Variants in GALNT10 observed in about 807,000 individuals in gnomAD.
GALNT10 encodes the protein GalNAc transferase 10.
Under a neutral mutation model 75.0 loss-of-function variants are expected in GALNT10, and 41 were observed. The observed-to-expected ratio is 0.55, with a 90% CI of 0.43 to 0.71. The LOEUF (loss-of-function observed/expected upper bound fraction) is 0.71. Ranked by LOEUF, GALNT10 falls within the 30% of genes least tolerant of loss-of-function variation. GALNT10 has a pLI of 0.00. For synonymous variants in GALNT10, 302 were observed against 313.0 expected, an observed-to-expected ratio of 0.96 and a Z score of 0.37; for missense variants, 727 against 818.5, an observed-to-expected ratio of 0.89 and a Z score of 1.36.
intron 3 of GALNT10, among the ~76,000 whole-genome samples, chr5:154,317,205 A>G (rs544839528): frequency 2.0e-5 from 3 of 152,156 alleles, no homozygotes; most frequent in African/African-American, 4.8e-5. Flanking sequence ...GGTTTGTTCA[A>G]TTGACTTACA....
intron 1 of GALNT10, among the ~76,000 whole-genome samples, chr5:154,267,459 G>T (rs1753796200): frequency 6.6e-6 from 1 of 152,190 alleles, no homozygotes; most frequent in Admixed American, 6.5e-5. Context: ...TAGCCCTGTA[G>T]AAAATCACTG....
rs1756599558 is a variant in GALNT10, at chr5:154,420,122, C to T, written c.*3150C>T. The T allele has an allele frequency of 6.6e-6, 1 of 152,188 alleles. No homozygotes were observed. Among genetic ancestry groups the T allele is most frequent in the African/African-American group, 2.4e-5 (1 of 41,452 alleles). 9.4% of individuals were successfully genotyped at this position (152,188 alleles called of 1,614,324 possible). On this transcript the variant is annotated 3_prime_UTR_variant, in exon 12 of 12. Transcript: ENST00000297107. ...TGGAGCTTTCAGCTGTTAAAACAGT[C>T]AGAAACTATTGATTCTTCCCTTTAG...
chr5:154,345,809 T>C (rs944261472), intron 4 of GALNT10, among the ~76,000 whole-genome samples: 6 of 100,508 alleles, frequency 6.0e-5, no homozygotes, highest in African/African-American at 1.8e-4. Context: ...CGAATTTTTT[T>C]TTTTTTTGTA....
intron 3 of GALNT10, among the ~76,000 whole-genome samples, chr5:154,326,575 A>G (rs1229849490): frequency 6.6e-6 from 1 of 152,268 alleles, no homozygotes; most frequent in African/African-American, 2.4e-5. Context: ...TGAAAAAGAA[A>G]TGAAGCATTG....
chr5:154,371,403 A>G (rs953739062), intron 4 of GALNT10, among the ~76,000 whole-genome samples: 11 of 152,204 alleles, frequency 7.2e-5, no homozygotes, highest in African/African-American at 2.6e-4. Flanking sequence ...TCAAGCCACA[A>G]CAACTCCTCC....
At chr5:154,259,010 A>G (rs1389827644) in intron 1 of GALNT10, among the ~76,000 whole-genome samples, 1 of 152,206 alleles carries the variant, frequency 6.6e-6, no homozygotes, top group Admixed American at 6.5e-5. Flanking sequence ...TTAACATCCT[A>G]CATAAGCATA....
chr5:154,247,439 G>A (rs948117726), intron 1 of GALNT10, among the ~76,000 whole-genome samples: 8 of 152,138 alleles, frequency 5.3e-5, no homozygotes, highest in African/African-American at 1.7e-4. Context: ...CTTCCTACCC[G>A]TGAGCATGGA....
intron 1 of GALNT10, among the ~76,000 whole-genome samples, chr5:154,210,709 G>GAATAAACC (rs1329464581): frequency 2.0e-5 from 3 of 152,148 alleles, no homozygotes; most frequent in Non-Finnish European, 4.4e-5. Context: ...GTGAAAAAAG[G>GAATAAACC]AATAAACCAT....
rs535656283 is a variant in GALNT10 at position 154,267,251 on chromosome 5, T to C, written c.160-27565T>C. ...GGTGAAGCAAAGTAGCTGTGGCTAC[T>C]TGGGGCCAAAAGCTTCCCAGATGCT... On this transcript the variant is annotated intron_variant, in intron 1 of 11. Transcript: ENST00000297107. Among the ~76,000 whole-genome samples the C allele has an allele frequency of 9.1e-4, 139 of 152,364 alleles. 1 individual carries two copies. The highest frequency in any genetic ancestry group is 3.0e-3 in the African/African-American group (124 of 41,594).
chr5:154,230,562 T>C (rs532018179), intron 1 of GALNT10, among the ~76,000 whole-genome samples: 12 of 152,220 alleles, frequency 7.9e-5, no homozygotes, highest in Non-Finnish European at 1.8e-4. Flanking sequence ...GTAGCAGCTT[T>C]ATGGTCTTAG....
rs571341936 is a variant in GALNT10 at position 154,289,973 on chromosome 5, C to G, written c.160-4843C>G. Among the ~76,000 whole-genome samples, 3 of 152,290 alleles carry G rather than the reference C, an allele frequency of 2.0e-5. No individual in the cohort carries two copies. In the East Asian group the frequency reaches 5.8e-4, roughly 29 times the overall value. ...TCTGGGGTTTCTTAATCTGCACTAT[C>G]TCTAGAAATTCCATGGATTGTCCTC... On this transcript the variant is annotated intron_variant, in intron 1 of 11. Transcript: ENST00000297107.
intron 1 of GALNT10, among the ~76,000 whole-genome samples, chr5:154,211,983 A>C (rs992490849): frequency 6.6e-6 from 1 of 152,198 alleles, no homozygotes; most frequent in African/African-American, 2.4e-5. Context: ...GCCTATGTGC[A>C]AAAAAGAATT....
chr5:154,354,849 CTG>C (rs1215209101), intron 4 of GALNT10, among the ~76,000 whole-genome samples: 1 of 152,188 alleles, frequency 6.6e-6, no homozygotes, highest in Non-Finnish European at 1.5e-5. Flanking sequence ...GGCATGGAAA[CTG>C]TACGTGACCC....
intron 1 of GALNT10, among the ~76,000 whole-genome samples, chr5:154,275,442 G>A (rs966051723): frequency 3.3e-5 from 5 of 152,208 alleles, no homozygotes; most frequent in East Asian, 1.9e-4. Context: ...TGTCAGGCTC[G>A]TGTGGTGAAT....
chr5:154,368,047 T>C (rs1192969188), intron 4 of GALNT10, among the ~76,000 whole-genome samples: 1 of 152,226 alleles, frequency 6.6e-6, no homozygotes, highest in Non-Finnish European at 1.5e-5. Flanking sequence ...GATCTGATCC[T>C]CAAACCTTTA....
At chr5:154,334,833 G>C (rs1256518861) in intron 4 of GALNT10, among the ~76,000 whole-genome samples, 1 of 152,200 alleles carries the variant, frequency 6.6e-6, no homozygotes, top group African/African-American at 2.4e-5. Flanking sequence ...AGACAATGCT[G>C]GGCCCGTTAG....
chr5:154,323,673 A>G (rs979930281), intron 3 of GALNT10, among the ~76,000 whole-genome samples: 4 of 152,200 alleles, frequency 2.6e-5, no homozygotes, highest in African/African-American at 7.2e-5. Flanking sequence ...AGGAAGCCCT[A>G]TTTTTTGGTG....
intron 1 of GALNT10, among the ~76,000 whole-genome samples, chr5:154,210,797 A>T (rs1775185017): frequency 6.6e-6 from 1 of 152,268 alleles, no homozygotes; most frequent in South Asian, 2.1e-4. Flanking sequence ...AAATTTGAAT[A>T]TGAACTGTAG....
rs886416940 is a variant in GALNT10 at position 154,267,307 on chromosome 5, A to G, written c.160-27509A>G. Among the ~76,000 whole-genome samples the G allele has an allele frequency of 2.0e-5, 3 of 152,196 alleles. No individual in the cohort carries two copies. In the East Asian group the frequency reaches 5.8e-4, roughly 29 times the overall value. On this transcript the variant is annotated intron_variant, in intron 1 of 11. Coordinates refer to ENST00000297107, the MANE Select transcript of GALNT10 (RefSeq NM_198321.4). ...TCTAAGCACATGATGTTTTTTGGGG[A>G]AAGTGGTAGCAGGTAGAGGGTGGCA...
Sources: gnomAD v4.1 joint callset for allele counts (sites outside exome capture counted in the v4.1 genomes callset) on GRCh38, gnomAD v4.1.1 for gene constraint, MANE v1.5 for transcripts, NCBI Gene and HGNC (gene_info 2026-07-23, HGNC 2026-07-21) for gene names.